Variants in RALGAPA1 observed in about 807,000 individuals in gnomAD.
RALGAPA1 encodes the protein ral GTPase-activating protein subunit alpha-1.
Under a neutral mutation model 269.6 loss-of-function variants are expected in RALGAPA1, and 52 were observed. The ratio of observed to expected loss-of-function variants is 0.19; its 90% CI spans 0.15 to 0.24. The LOEUF (loss-of-function observed/expected upper bound fraction) is 0.24, where lower values mean the gene tolerates loss of function less well. Among genes scored for constraint, RALGAPA1 ranks in the 10% least tolerant of loss-of-function variants. The pLI is 1.00. For synonymous variants in RALGAPA1, 817 were observed against 1,008.3 expected (o/e 0.81, Z 3.60); for missense variants, 1,917 against 3,013.9 (o/e 0.64, Z 8.52).
rs369628183 is a variant in RALGAPA1 at position 35,685,152 on chromosome 14, G to A, written c.4078-7C>T. On this transcript the variant is annotated splice_region_variant and splice_polypyrimidine_tract_variant and intron_variant, in intron 19 of 41. Transcript: ENST00000680220. ...TTCCTCTTCTTGTCATAGTCTAAAC[G>A]TTCAAGAAATATTTTACCATTAAGA... The A allele has an allele frequency of 4.3e-5, 67 of 1,552,134 alleles. No individual in the cohort carries two copies. The African/African-American group carries it at 4.8e-4, about 11-fold the overall frequency.
intron 18 of RALGAPA1, among the ~76,000 whole-genome samples, chr14:35,687,976 A>G (rs1273465166): frequency 6.6e-6 from 1 of 152,172 alleles, no homozygotes; most frequent in Admixed American, 6.5e-5. Flanking sequence ...CTTGATTTCT[A>G]TTATGTTAGT....
At chr14:35,771,625 T>C (rs1456848111) in intron 3 of RALGAPA1, among the ~76,000 whole-genome samples, 7 of 152,200 alleles carry the variant, frequency 4.6e-5, no homozygotes, top group African/African-American at 1.7e-4. Context: ...CTAATTCTAA[T>C]ATATTTAAAA....
intron 26 of RALGAPA1, among the ~76,000 whole-genome samples, chr14:35,668,131 C>T (rs1184152186): frequency 1.3e-5 from 2 of 151,996 alleles, no homozygotes; most frequent in African/African-American, 4.8e-5. Context: ...TGGTGGTTAC[C>T]AGAGGCCCGG....
chr14:35,659,573 A>C (rs1004040590), intron 27 of RALGAPA1, among the ~76,000 whole-genome samples: 3 of 152,052 alleles, frequency 2.0e-5, no homozygotes, highest in African/African-American at 7.2e-5. Flanking sequence ...ATCTTTCTCA[A>C]ACATTTCCAA....
chr14:35,627,762 T>C lies in RALGAPA1; in HGVS notation c.6185A>G (p.Asn2062Ser), dbSNP rs1445781640. Residue 2062 changes from asparagine to serine, a missense_variant, in exon 34 of 42, where the codon AAT becomes AGT. Around this residue, in one of 11 missense-constraint regions of RALGAPA1, gnomAD observed 346 missense variants for 566.1 expected, o/e 0.61. Transcript: ENST00000680220. ...ELSPELFESP[N>S]IQFFVLNNTT... ...ATTATTTAACACAAAGAACTGGATA[T>C]TTGGACTCTCAAAGAGTTCAGGAGA... 1 of 1,613,430 alleles carries C rather than the reference T, an allele frequency of 6.2e-7. No homozygotes were observed. Among genetic ancestry groups the C allele is most frequent in the Admixed American group, 1.7e-5 (1 of 59,968 alleles).
chr14:35,640,708 G>A (rs542113891), intron 31 of RALGAPA1, among the ~76,000 whole-genome samples: 1 of 152,116 alleles, frequency 6.6e-6, no homozygotes, highest in African/African-American at 2.4e-5. Context: ...AAAAACAGAG[G>A]AGGAAGTATT....
intron 38 of RALGAPA1, 92 bp downstream of exon 38, chr14:35,572,468 A>C (rs2057280114): frequency 1.0e-6 from 1 of 983,960 alleles, no homozygotes; most frequent in South Asian, 1.8e-5. Context: ...CTTGATGCCT[A>C]CTCCAAATTT....
intron 1 of RALGAPA1, among the ~76,000 whole-genome samples, chr14:35,792,793 A>AAGAAAGAAAG (rs1412265143): frequency 6.9e-6 from 1 of 144,924 alleles, no homozygotes; most frequent in Non-Finnish European, 1.5e-5. Context: ...AAAAAAAAAA[A>AAGAAAGAAAG]AGAAAGAAAG....
chr14:35,635,399 A>G, intron 32 of RALGAPA1, 65 bp downstream of exon 32: 1 of 1,448,440 alleles, frequency 6.9e-7, no homozygotes, highest in African/African-American at 1.4e-5. Context: ...ATACTGAGAA[A>G]TGTTATTTCT....
At chr14:35,668,452 C>T (rs1245656522) in intron 26 of RALGAPA1, among the ~76,000 whole-genome samples, 2 of 151,522 alleles carry the variant, frequency 1.3e-5, no homozygotes, top group African/African-American at 4.9e-5. Context: ...TACTGCACTC[C>T]AGTCCGAGTG....
chr14:35,660,241 A>ATC (rs1419468900), intron 27 of RALGAPA1, among the ~76,000 whole-genome samples: 5 of 152,082 alleles, frequency 3.3e-5, no homozygotes, highest in African/African-American at 1.2e-4. Context: ...TACTGATGAC[A>ATC]TAATCTAATA....
chr14:35,543,758 T>C (rs908733521), intron 41 of RALGAPA1, among the ~76,000 whole-genome samples: 5 of 152,246 alleles, frequency 3.3e-5, no homozygotes, highest in Non-Finnish European at 5.9e-5. Context: ...TTCTCCTGCC[T>C]CAGCCTCCTG....
At chr14:35,663,485 C>T (rs762835280) in intron 27 of RALGAPA1, among the ~76,000 whole-genome samples, 1 of 151,714 alleles carries the variant, frequency 6.6e-6, no homozygotes, top group African/African-American at 2.4e-5. Flanking sequence ...TCTCCTCTCT[C>T]TCAACACTTC....
At chr14:35,772,514 C>A (rs1401194479) in intron 3 of RALGAPA1, among the ~76,000 whole-genome samples, 1 of 152,170 alleles carries the variant, frequency 6.6e-6, no homozygotes, top group African/African-American at 2.4e-5. Flanking sequence ...TCAAGAGCTA[C>A]CTTACTGCTA....
chr14:35,645,346 G>GGTGGGTGTGTGTGT (rs1555387899), intron 31 of RALGAPA1, among the ~76,000 whole-genome samples: 40 of 129,560 alleles, frequency 3.1e-4, no homozygotes, highest in South Asian at 1.4e-3. Flanking sequence ...TATAGAGATG[G>GGTGGGTGTGTGTGT]GTGTGTGTGT....
At chr14:35,611,327 C>A (rs1188475960) in intron 35 of RALGAPA1, among the ~76,000 whole-genome samples, 3 of 151,952 alleles carry the variant, frequency 2.0e-5, no homozygotes, top group East Asian at 1.9e-4. Flanking sequence ...CATGGTGAAA[C>A]CTCATCTCTA....
At chr14:35,716,111 T>C (rs2068794594) in intron 16 of RALGAPA1, 7 of 983,914 alleles carry the variant, frequency 7.1e-6, no homozygotes, top group African/African-American at 1.7e-5. Flanking sequence ...AATTAAAAGA[T>C]GGTGAGGCAT....
intron 21 of RALGAPA1, among the ~76,000 whole-genome samples, chr14:35,682,877 T>C (rs2065576873): frequency 6.6e-6 from 1 of 152,206 alleles, no homozygotes; most frequent in Non-Finnish European, 1.5e-5. Context: ...CTAAAGTTCT[T>C]GCCATCTGGG....
At chr14:35,540,356 C>T (rs2053855687) in intron 41 of RALGAPA1, among the ~76,000 whole-genome samples, 1 of 152,144 alleles carries the variant, frequency 6.6e-6, no homozygotes, top group South Asian at 2.1e-4. Flanking sequence ...ATTTAAAAGA[C>T]ATAAACAATG....
Sources: gnomAD v4.1 joint callset for allele counts (sites outside exome capture counted in the v4.1 genomes callset) on GRCh38, gnomAD v4.1.1 for gene constraint, gnomAD v4.1.1 regional missense constraint, MANE v1.5 for transcripts, NCBI Gene and HGNC (gene_info 2026-07-23, HGNC 2026-07-21) for gene names.